CACNA1E: variants seen among roughly 807,000 people sequenced by gnomAD.
CACNA1E encodes voltage-dependent R-type calcium channel subunit alpha-1E.
A neutral mutation model predicts 259.2 loss-of-function variants in CACNA1E; 40 were observed. The ratio of observed to expected loss-of-function variants is 0.15; its 90% CI spans 0.12 to 0.20. CACNA1E has a LOEUF of 0.20. CACNA1E is among the 10% of genes least tolerant of loss of function. The pLI is 1.00. For missense variants in CACNA1E, 1,874 were observed against 3,040.1 expected (o/e 0.62, Z 9.02); for synonymous variants, 1,104 against 1,138.5 (o/e 0.97, Z 0.61).
rs187858346 is a variant in CACNA1E, at chr1:181,425,011, C to T, written c.434+11431C>T. 2.8e-3 allele frequency among the ~76,000 whole-genome samples: 429 copies of T among 152,372 alleles called. 5 individuals carry two copies. Among genetic ancestry groups the T allele is most frequent in the Non-Finnish European group, 3.9e-3 (266 of 68,040 alleles). On this transcript the variant is annotated intron_variant, in intron 2 of 11. Transcript: ENST00000524607. Reference sequence around the variant, plus strand: ...TGTCAAGATTCGGAAATTCTGCCCCCAGCCACCTTTTTGAAGAAAATGGGA... The same window carrying T: ...TGTCAAGATTCGGAAATTCTGCCCCTAGCCACCTTTTTGAAGAAAATGGGA...
At chr1:181,722,387 T>C (rs777020207) in intron 16 of CACNA1E, among the ~76,000 whole-genome samples, 1 of 152,200 alleles carries the variant, frequency 6.6e-6, no homozygotes, top group Non-Finnish European at 1.5e-5. Flanking sequence ...ATCTAATCCT[T>C]ACAAGACAGA....
chr1:181,621,766 A>G (rs1208707620), intron 6 of CACNA1E, among the ~76,000 whole-genome samples: 1 of 152,176 alleles, frequency 6.6e-6, no homozygotes, highest in Non-Finnish European at 1.5e-5. Context: ...GTTATCAGCC[A>G]TCTTTCAATT....
intron 2 of CACNA1E, among the ~76,000 whole-genome samples, chr1:181,460,971 C>A (rs1661764562): frequency 6.6e-6 from 1 of 152,138 alleles, no homozygotes; most frequent in Non-Finnish European, 1.5e-5. Flanking sequence ...TCTTTATACC[C>A]TCTTTACTCC....
chr1:181,509,704 GT>G (rs1666004899), intron 1 of CACNA1E, among the ~76,000 whole-genome samples: 1 of 152,074 alleles, frequency 6.6e-6, no homozygotes, highest in South Asian at 2.1e-4. Flanking sequence ...CACCTCACCT[GT>G]TTTCAAAAAC....
At chr1:181,693,177 A>G (rs1397831632) in intron 7 of CACNA1E, among the ~76,000 whole-genome samples, 1 of 151,148 alleles carries the variant, frequency 6.6e-6, no homozygotes. Flanking sequence ...GGCTGCAGAG[A>G]GAAGGGAATG....
intron 1 of CACNA1E, among the ~76,000 whole-genome samples, chr1:181,507,244 C>T (rs1665786612): frequency 6.6e-6 from 1 of 152,172 alleles, no homozygotes; most frequent in Non-Finnish European, 1.5e-5. Context: ...CTCATGAATT[C>T]TCAGCCACCC....
At chr1:181,478,108 G>A (rs1421153384) in intron 2 of CACNA1E, among the ~76,000 whole-genome samples, 1 of 152,166 alleles carries the variant, frequency 6.6e-6, no homozygotes, top group Non-Finnish European at 1.5e-5. Flanking sequence ...TGTGCACTTG[G>A]ACAAGTCCCT....
At chr1:181,424,954 C>A (rs1659049918) in intron 2 of CACNA1E, among the ~76,000 whole-genome samples, 1 of 152,206 alleles carries the variant, frequency 6.6e-6, no homozygotes, top group Non-Finnish European at 1.5e-5. Flanking sequence ...ATGGCCATAT[C>A]TGTAGAAGGA....
intron 1 of CACNA1E, among the ~76,000 whole-genome samples, 159 bp downstream of exon 1, chr1:181,484,169 C>T (rs1164923246): frequency 6.6e-6 from 1 of 152,140 alleles, no homozygotes; most frequent in Non-Finnish European, 1.5e-5. Flanking sequence ...AAGCTTGGTG[C>T]CGTGGAGACC....
rs116400983 is a variant in CACNA1E at position 181,553,262 on chromosome 1, G to A, written c.513-24504G>A. 6.7e-3 allele frequency among the ~76,000 whole-genome samples: 1,021 copies of A among 152,168 alleles called. 15 individuals carry two copies. Among genetic ancestry groups the A allele is most frequent in the African/African-American group, 0.024 (979 of 41,516 alleles). Reference sequence around the variant, plus strand: ...CTAGGTATCTTATTCTTTTTGTAGCGATTGTGAATTGGGAGTTCATTCATG... The same window carrying A: ...CTAGGTATCTTATTCTTTTTGTAGCAATTGTGAATTGGGAGTTCATTCATG... On this transcript the variant is annotated intron_variant, in intron 3 of 47. Coordinates refer to ENST00000367573, the MANE Select transcript of CACNA1E (RefSeq NM_001205293.3).
chr1:181,589,345 C>T (rs1428262163), intron 6 of CACNA1E, among the ~76,000 whole-genome samples: 4 of 152,138 alleles, frequency 2.6e-5, no homozygotes, highest in South Asian at 4.1e-4. Context: ...TGAGGTCATG[C>T]GTTATTCAAT....
rs33973972 is a variant in CACNA1E at position 181,790,290 on chromosome 1, C to CT, written c.5787-138dup. Among the ~76,000 whole-genome samples, 13,786 of 115,324 alleles carry CT rather than the reference C, an allele frequency of 0.12. 779 individuals carry two copies. The highest frequency in any genetic ancestry group is 0.14 in the Non-Finnish European group (7,855 of 55,288). The allele number at this position is 115,324 out of a possible 152,430, so 75.7% of individuals were successfully genotyped here. ...ACATCAGTTTCTGTCTCTTCTAGTG[C>CT]TTTTTTTTTTTTTTTTTAATTTCAG... On this transcript the variant is annotated intron_variant, in intron 43 of 47. Coordinates refer to ENST00000367573, the MANE Select transcript of CACNA1E (RefSeq NM_001205293.3).
upstream of CACNA1E, among the ~76,000 whole-genome samples, chr1:181,481,370 ACT>A (rs71297870): frequency 1.9e-3 from 284 of 146,804 alleles, no homozygotes; most frequent in African/African-American, 5.9e-3. Context: ...ACACACACAC[ACT>A]CTCACATACA....
chr1:181,515,084 G>A (rs1244880090), intron 3 of CACNA1E, among the ~76,000 whole-genome samples: 1 of 151,822 alleles, frequency 6.6e-6, no homozygotes, highest in Non-Finnish European at 1.5e-5. Flanking sequence ...CCCCATACTG[G>A]CAGTTACTTC....
chr1:181,379,735 C>T lies in CACNA1E; in HGVS notation c.-14-33398C>T, dbSNP rs12118509. ...ATATAATCACCTCCTAAAGGCCTCA[C>T]CTTCTAATATCAGATTCATGATTAG... On this transcript the variant is annotated intron_variant, in intron 1 of 11. Transcript: ENST00000524607. 7.7e-3 allele frequency among the ~76,000 whole-genome samples: 1,172 copies of T among 152,118 alleles called. 6 individuals are homozygous for T. Among genetic ancestry groups the T allele is most frequent in the Non-Finnish European group, 0.013 (914 of 67,990 alleles).
chr1:181,376,567 C>G (rs1187213101), intron 1 of CACNA1E, among the ~76,000 whole-genome samples: 1 of 152,152 alleles, frequency 6.6e-6, no homozygotes, highest in African/African-American at 2.4e-5. Flanking sequence ...TCCCTGTTTC[C>G]CATTTTTGGA....
intron 7 of CACNA1E, among the ~76,000 whole-genome samples, chr1:181,703,840 C>T (rs2102390399): frequency 6.7e-6 from 1 of 148,876 alleles, no homozygotes; most frequent in Non-Finnish European, 1.5e-5. Flanking sequence ...TGTCAGGTTC[C>T]CCTCGCCTGA....
At chr1:181,677,059 A>G (rs1316255715) in intron 7 of CACNA1E, among the ~76,000 whole-genome samples, 2 of 152,036 alleles carry the variant, frequency 1.3e-5, no homozygotes, top group African/African-American at 2.4e-5. Flanking sequence ...CCGGCCCTCC[A>G]GGAACGTATC....
At chr1:181,620,476 G>A (rs772312717) in intron 6 of CACNA1E, among the ~76,000 whole-genome samples, 2 of 152,194 alleles carry the variant, frequency 1.3e-5, no homozygotes, top group African/African-American at 4.8e-5. Flanking sequence ...ACCTCAAGGT[G>A]AGACTTAGGT....
Sources: gnomAD v4.1 joint callset for allele counts (sites outside exome capture counted in the v4.1 genomes callset) on GRCh38, gnomAD v4.1.1 for gene constraint, MANE v1.5 for transcripts, NCBI Gene and HGNC (gene_info 2026-07-23, HGNC 2026-07-21) for gene names.